SLC24A2: variants seen among roughly 807,000 people sequenced by gnomAD.
SLC24A2 encodes the protein solute carrier family 24 member 2.
In SLC24A2, 36 loss-of-function variants were observed where a neutral mutation model predicts 62.0. The observed-to-expected ratio is 0.58, with a 90% CI of 0.44 to 0.77. SLC24A2 has a LOEUF of 0.77. Ranked by LOEUF, SLC24A2 falls within the 30% of genes least tolerant of loss-of-function variation. The probability of loss-of-function intolerance (pLI) is 0.00; values close to 1 mark genes in which losing one functional copy is unlikely to be tolerated. For missense variants in SLC24A2, 846 were observed against 817.9 expected (o/e 1.03, Z -0.42); for synonymous variants, 358 against 294.0 (o/e 1.22, Z -2.23).
At chr9:19,937,559 A>C in the SLC24A2 span, among the ~76,000 whole-genome samples, 1 of 152,238 alleles carries the variant, frequency 6.6e-6, no homozygotes, top group Non-Finnish European at 1.5e-5. Flanking sequence ...ATTTCTCTCA[A>C]CTGAGCTATT....
the SLC24A2 span, among the ~76,000 whole-genome samples, chr9:20,019,548 T>G: frequency 6.6e-6 from 1 of 152,184 alleles, no homozygotes; most frequent in African/African-American, 2.4e-5. Flanking sequence ...TATATCTGTT[T>G]TGGTACCATA....
the SLC24A2 span, among the ~76,000 whole-genome samples, chr9:20,288,179 C>T: frequency 6.6e-6 from 1 of 152,144 alleles, no homozygotes; most frequent in South Asian, 2.1e-4. Flanking sequence ...TGCTCATCAC[C>T]TGGGCAGGGG....
At chr9:19,899,217 G>A in the SLC24A2 span, among the ~76,000 whole-genome samples, 1 of 152,230 alleles carries the variant, frequency 6.6e-6, no homozygotes, top group Non-Finnish European at 1.5e-5. Context: ...TGCCGCAAGG[G>A]AGACTGGGAA....
chr9:19,950,582 C>T, the SLC24A2 span, among the ~76,000 whole-genome samples: 2 of 152,206 alleles, frequency 1.3e-5, no homozygotes, highest in African/African-American at 2.4e-5. Context: ...TTTGCAGTAA[C>T]ATGTATTCAT....
chr9:19,911,892 G>A, the SLC24A2 span, among the ~76,000 whole-genome samples: 2 of 152,184 alleles, frequency 1.3e-5, no homozygotes, highest in South Asian at 2.1e-4. Context: ...GAACTTGGGG[G>A]TTAAACAAAC....
the SLC24A2 span, among the ~76,000 whole-genome samples, chr9:19,898,046 T>A: frequency 3.9e-5 from 6 of 151,902 alleles, no homozygotes; most frequent in Non-Finnish European, 1.5e-5. Context: ...TGTGGAAGAG[T>A]TGAGAAGTAA....
chr9:19,786,678 A>G lies in SLC24A2; in HGVS notation c.189T>C (p.Asp63=). ...CACTGGCCTCTCCTGTGCTCTGTGT[A>G]TCTGTCTCAGAAAAGGCACTGATTG... ...SFSISAFSET[D]TQSTGEASVV... is the part of the protein sequence containing the mutation. The change falls in exon 2 of 11, where the codon GAT becomes GAC. Residue 63 remains aspartate, a synonymous_variant. Transcript: ENST00000341998. This position sits in a 1 kb window ranked among gnomAD's most constrained non-coding sequence, Gnocchi z 5.0. 6.2e-7 allele frequency: 1 copy of G among 1,613,660 alleles called. No individual in the cohort carries two copies. Among genetic ancestry groups the G allele is most frequent in the South Asian group, 1.1e-5 (1 of 91,016 alleles).
the SLC24A2 span, among the ~76,000 whole-genome samples, chr9:20,019,801 A>G: frequency 6.6e-6 from 1 of 152,188 alleles, no homozygotes; most frequent in Middle Eastern, 3.4e-3. Flanking sequence ...AGAATGGGAG[A>G]AAATTGTTGC....
At chr9:19,675,052 C>T (rs1370830257) in intron 2 of SLC24A2, among the ~76,000 whole-genome samples, 2 of 152,126 alleles carry the variant, frequency 1.3e-5, no homozygotes, top group Non-Finnish European at 1.5e-5. Flanking sequence ...AGGGTGCTCC[C>T]TTGAGGTAGT....
At chr9:20,043,730 G>C in the SLC24A2 span, among the ~76,000 whole-genome samples, 1 of 152,194 alleles carries the variant, frequency 6.6e-6, no homozygotes, top group East Asian at 1.9e-4. Context: ...ATAAGGAATT[G>C]CTTCTTATGG....
the SLC24A2 span, among the ~76,000 whole-genome samples, chr9:19,881,334 C>T: frequency 2.0e-5 from 3 of 152,032 alleles, no homozygotes; most frequent in South Asian, 2.1e-4. Context: ...CTGAAAATAT[C>T]TAGAAGAAAG....
intron 2 of SLC24A2, among the ~76,000 whole-genome samples, chr9:19,741,523 T>C (rs889123383): frequency 2.0e-5 from 3 of 152,190 alleles, no homozygotes; most frequent in Non-Finnish European, 4.4e-5. Flanking sequence ...CAAGTTTCCA[T>C]GTTTTAATAA....
At chr9:20,140,675 C>T in the SLC24A2 span, among the ~76,000 whole-genome samples, 76 of 152,272 alleles carry the variant, frequency 5.0e-4, no homozygotes, top group African/African-American at 1.7e-3. Flanking sequence ...GCTCACTGTA[C>T]TAAACTTGGC....
chr9:20,102,575 T>C, the SLC24A2 span, among the ~76,000 whole-genome samples: 3 of 151,670 alleles, frequency 2.0e-5, no homozygotes, highest in African/African-American at 4.9e-5. Context: ...CAAACCACCA[T>C]GGTACATGTA....
At chr9:20,168,457 G>T in the SLC24A2 span, among the ~76,000 whole-genome samples, 10 of 151,878 alleles carry the variant, frequency 6.6e-5, no homozygotes, top group East Asian at 1.9e-3. Flanking sequence ...TAAAAATCAT[G>T]TATCTGCTAA....
At chr9:19,881,943 T>G in the SLC24A2 span, among the ~76,000 whole-genome samples, 1 of 152,358 alleles carries the variant, frequency 6.6e-6, no homozygotes, top group East Asian at 1.9e-4. Flanking sequence ...TATTAATTTT[T>G]TTCACAAATG....
At chr9:19,899,412 G>A in the SLC24A2 span, among the ~76,000 whole-genome samples, 3 of 152,150 alleles carry the variant, frequency 2.0e-5, no homozygotes, top group African/African-American at 4.8e-5. Context: ...GGTACTTCCT[G>A]AGTCTTGAAT....
chr9:20,304,774 C>G, the SLC24A2 span, among the ~76,000 whole-genome samples: 2 of 152,144 alleles, frequency 1.3e-5, no homozygotes, highest in East Asian at 1.9e-4. Flanking sequence ...AGGAGGAAAC[C>G]AAGCTAGAGA....
chr9:19,604,646 AC>A (rs1365448127), intron 4 of SLC24A2, among the ~76,000 whole-genome samples: 1 of 152,164 alleles, frequency 6.6e-6, no homozygotes, highest in Non-Finnish European at 1.5e-5. Context: ...AAACAAACAA[AC>A]AAAAAAACTC....
Sources: gnomAD v4.1 joint callset for allele counts (sites outside exome capture counted in the v4.1 genomes callset) on GRCh38, gnomAD v4.1.1 for gene constraint, Gnocchi (gnomAD v3.1) non-coding constraint, MANE v1.5 for transcripts, NCBI Gene and HGNC (gene_info 2026-07-23, HGNC 2026-07-21) for gene names.